ERLN: variants seen among roughly 807,000 people sequenced by gnomAD.
The protein encoded by ERLN is endoregulin.
At chr17:75,647,747 T>C in the ERLN span, 3 of 619,670 alleles carry the variant, frequency 4.8e-6, no homozygotes, top group Non-Finnish European at 8.5e-6. Context: ...ACTAGTAAGA[T>C]GGGGAGGCTG....
chr17:75,646,321 G>C, the ERLN span: 1 of 152,434 alleles, frequency 6.6e-6, no homozygotes, highest in Non-Finnish European at 1.5e-5. Flanking sequence ...CTCGGGGCAG[G>C]TCCGCAGTCC....
At chr17:75,647,396 AAG>A in the ERLN span, 2 of 1,549,554 alleles carry the variant, frequency 1.3e-6, no homozygotes, top group Non-Finnish European at 1.7e-6. Context: ...CTGGTATTCA[AAG>A]AGACAATCTG....
chr17:75,646,522 G>A, the ERLN span: 1 of 152,510 alleles, frequency 6.6e-6, no homozygotes, highest in East Asian at 1.9e-4. Context: ...GAGCTGAAGG[G>A]GGAACGTGAA....
At chr17:75,647,613 T>C in the ERLN span, 3 of 1,532,478 alleles carry the variant, frequency 2.0e-6, no homozygotes, top group Non-Finnish European at 8.8e-7. Context: ...CGAGCTGACC[T>C]GCCCCCATTC....
the ERLN span, chr17:75,647,604 G>A: frequency 2.6e-6 from 4 of 1,539,864 alleles, no homozygotes; most frequent in Admixed American, 2.0e-5. Flanking sequence ...CAGGGGAGGC[G>A]AGCTGACCTG....
chr17:75,646,357 C>A, the ERLN span: 1 of 152,448 alleles, frequency 6.6e-6, no homozygotes, highest in Non-Finnish European at 1.5e-5. Flanking sequence ...AGAGGACAGC[C>A]CAGCCCAGCC....
the ERLN span, chr17:75,647,775 G>T: frequency 1.8e-6 from 1 of 570,526 alleles, no homozygotes; most frequent in East Asian, 3.1e-5. Context: ...ACCAATTCTG[G>T]CTCCTTGACC....
At chr17:75,647,172 G>C in the ERLN span, among the ~76,000 whole-genome samples, 1 of 152,198 alleles carries the variant, frequency 6.6e-6, no homozygotes, top group Non-Finnish European at 1.5e-5. Context: ...CCTGTATCTA[G>C]AGCGGGGGAA....
the ERLN span, chr17:75,647,480 T>A: frequency 6.5e-7 from 1 of 1,550,386 alleles, no homozygotes; most frequent in Non-Finnish European, 8.7e-7. Flanking sequence ...ATCACCGCTG[T>A]CCTGCTTCTC....
the ERLN span, chr17:75,647,647 C>A: frequency 7.3e-7 from 1 of 1,376,254 alleles, no homozygotes; most frequent in Non-Finnish European, 9.9e-7. Flanking sequence ...CTTCGCGGTT[C>A]CCTCTGGCTC....
At chr17:75,647,413 G>T in the ERLN span, 1,054 of 1,549,932 alleles carry the variant, frequency 6.8e-4, 19 homozygotes, top group East Asian at 0.021. Flanking sequence ...AATCTGGAAT[G>T]ATGCGTTCTG....
At chr17:75,647,409 G>C in the ERLN span, 1 of 1,549,846 alleles carries the variant, frequency 6.5e-7, no homozygotes, top group Non-Finnish European at 8.7e-7. Context: ...AGACAATCTG[G>C]AATGATGCGT....
At chr17:75,647,475 C>T in the ERLN span, 50 of 1,550,158 alleles carry the variant, frequency 3.2e-5, no homozygotes, top group Middle Eastern at 2.1e-4. Context: ...TATTCATCAC[C>T]GCTGTCCTGC....
At chr17:75,647,287 C>T in the ERLN span, 2 of 1,208,348 alleles carry the variant, frequency 1.7e-6, no homozygotes, top group Non-Finnish European at 2.3e-6. Context: ...GCTACAGAGG[C>T]TGGAGTCGGC....
chr17:75,647,857 G>A, the ERLN span: 1 of 325,832 alleles, frequency 3.1e-6, no homozygotes, highest in Admixed American at 4.8e-5. Context: ...GCCTCAGGTG[G>A]AAGGAGCTAT....
chr17:75,647,539 C>T, the ERLN span: 1 of 1,550,278 alleles, frequency 6.5e-7, no homozygotes, highest in Non-Finnish European at 8.7e-7. Context: ...AGAAAACACT[C>T]AGTGTGAAGC....
At chr17:75,647,306 C>CAT in the ERLN span, 11 of 1,397,428 alleles carry the variant, frequency 7.9e-6, no homozygotes, top group Non-Finnish European at 9.7e-6. Flanking sequence ...GCGGGCAGAG[C>CAT]ATAGCACCTG....
At chr17:75,647,029 T>G in the ERLN span, among the ~76,000 whole-genome samples, 4 of 152,212 alleles carry the variant, frequency 2.6e-5, no homozygotes, top group Admixed American at 6.5e-5. Context: ...GCTTTTTAGA[T>G]TCTAGCCAAG....
At chr17:75,647,603 C>T in the ERLN span, 212 of 1,540,402 alleles carry the variant, frequency 1.4e-4, no homozygotes, top group East Asian at 2.2e-3. Flanking sequence ...GCAGGGGAGG[C>T]GAGCTGACCT....
Sources: gnomAD v4.1 joint callset for allele counts (sites outside exome capture counted in the v4.1 genomes callset) on GRCh38, gnomAD v4.1.1 for gene constraint, MANE v1.5 for transcripts, NCBI Gene and HGNC (gene_info 2026-07-23, HGNC 2026-07-21) for gene names.